ERC2: variants seen among roughly 807,000 people sequenced by gnomAD.
ERC2 encodes the protein ERC protein 2.
A neutral mutation model predicts 114.8 loss-of-function variants in ERC2; 42 were observed. That is an observed-to-expected ratio of 0.37 (90% CI 0.29 to 0.47). The LOEUF (loss-of-function observed/expected upper bound fraction) is 0.47. Among genes scored for constraint, ERC2 ranks in the 20% least tolerant of loss-of-function variants. The pLI is 0.99. For missense variants in ERC2, 939 were observed against 1,150.7 expected (o/e 0.82, Z 2.66); for synonymous variants, 454 against 425.5 (o/e 1.07, Z -0.82).
In ERC2 at chr3:55,888,621, G is replaced by A. The variant is rs1452122913; in HGVS notation, c.2404-72C>T. On this transcript the variant is annotated intron_variant, in intron 13 of 17. Transcript: ENST00000288221. The stretch of plus-strand genomic sequence containing the variant: ...CACAAGACATCCCTTGTTAGCCTGT[G>A]TTCCAACAACAAACACAAAGGAATC... The A allele has an allele frequency of 5.1e-6, 8 of 1,563,170 alleles. No individual in the cohort carries two copies. The East Asian group carries it at 1.4e-4, about 26-fold the overall frequency.
chr3:55,838,882 T>G (rs1424617073), intron 14 of ERC2, among the ~76,000 whole-genome samples: 2 of 151,528 alleles, frequency 1.3e-5, no homozygotes, highest in Non-Finnish European at 3.0e-5. Context: ...AAAAGCTCAC[T>G]CAAAAAGAAA....
intron 2 of ERC2, among the ~76,000 whole-genome samples, chr3:56,390,769 G>A (rs748489599): frequency 4.6e-5 from 7 of 152,116 alleles, no homozygotes; most frequent in Admixed American, 6.6e-5. Context: ...GCCTAATGAA[G>A]GGGTTGGATT....
At chr3:56,162,109 ATCAAAAGCTTTTTCCAC>A (rs1447186122) in intron 4 of ERC2, among the ~76,000 whole-genome samples, 3 of 152,272 alleles carry the variant, frequency 2.0e-5, no homozygotes, top group Admixed American at 2.0e-4. Context: ...GTTGGATTTT[ATCAAAAGCTTTTTCCAC>A]ATCTATTGAG....
chr3:56,373,931 C>T (rs1341582558), intron 2 of ERC2, among the ~76,000 whole-genome samples: 1 of 152,060 alleles, frequency 6.6e-6, no homozygotes, highest in Non-Finnish European at 1.5e-5. Flanking sequence ...TGCTCGTGGG[C>T]TATACAAAAA....
At chr3:55,822,909 A>G (rs1296568970) in intron 14 of ERC2, among the ~76,000 whole-genome samples, 1 of 152,118 alleles carries the variant, frequency 6.6e-6, no homozygotes, top group Non-Finnish European at 1.5e-5. Flanking sequence ...CGCCGCACCG[A>G]GCCCCAAGAA....
At chr3:56,427,612 C>T (rs2061621546) in intron 2 of ERC2, among the ~76,000 whole-genome samples, 1 of 152,072 alleles carries the variant, frequency 6.6e-6, no homozygotes, top group Non-Finnish European at 1.5e-5. Context: ...GACTCTAATC[C>T]AATATGATTG....
At chr3:55,828,467 G>GGCAGCAGGCGCAGCAGGGGCAGCAGGC (rs1178911238) in intron 14 of ERC2, among the ~76,000 whole-genome samples, 1 of 148,580 alleles carries the variant, frequency 6.7e-6, no homozygotes, top group African/African-American at 2.6e-5. Flanking sequence ...TGGCAGCAGG[G>GGCAGCAGGCGCAGCAGGGGCAGCAGGC]GCAGCAGGGG....
chr3:55,970,709 A>C (rs2069093648), intron 12 of ERC2, among the ~76,000 whole-genome samples: 1 of 152,196 alleles, frequency 6.6e-6, no homozygotes, highest in Non-Finnish European at 1.5e-5. Flanking sequence ...GTGAGAATGC[A>C]GAGAATTTAG....
chr3:55,679,449 C>T (rs911082832), intron 17 of ERC2, among the ~76,000 whole-genome samples: 2 of 152,164 alleles, frequency 1.3e-5, no homozygotes, highest in African/African-American at 2.4e-5. Flanking sequence ...AAAGCCATGA[C>T]CAAAACGTGC....
intron 10 of ERC2, among the ~76,000 whole-genome samples, chr3:56,006,350 C>T (rs1365833525): frequency 3.9e-5 from 6 of 151,966 alleles, no homozygotes; most frequent in South Asian, 2.1e-4. Context: ...ATCCCCATCC[C>T]GGTGTGTGCT....
intron 1 of ERC2, among the ~76,000 whole-genome samples, chr3:56,449,752 G>A (rs1196336404): frequency 1.3e-5 from 2 of 152,186 alleles, no homozygotes; most frequent in Non-Finnish European, 2.9e-5. Flanking sequence ...AAGATTAAAT[G>A]AGATGATATA....
At chr3:55,980,267 C>G (rs1351661257) in intron 12 of ERC2, among the ~76,000 whole-genome samples, 2 of 150,798 alleles carry the variant, frequency 1.3e-5, no homozygotes, top group Non-Finnish European at 2.9e-5. Context: ...TTAAAATCAT[C>G]AAAATCCTCC....
intron 17 of ERC2, among the ~76,000 whole-genome samples, chr3:55,673,816 T>G (rs888271492): frequency 1.3e-5 from 2 of 150,784 alleles, no homozygotes; most frequent in African/African-American, 2.4e-5. Context: ...TTTTTTTTTT[T>G]TTTTTTTTTT....
At chr3:55,961,822 T>C (rs2068395098) in intron 12 of ERC2, among the ~76,000 whole-genome samples, 1 of 146,062 alleles carries the variant, frequency 6.8e-6, no homozygotes, top group Admixed American at 7.0e-5. Context: ...AAAATGATTG[T>C]CAGTTCCTCA....
chr3:56,004,424 G>A (rs146708029), intron 10 of ERC2, among the ~76,000 whole-genome samples: 1 of 152,054 alleles, frequency 6.6e-6, no homozygotes, highest in African/African-American at 2.4e-5. Context: ...ATAAGTAGTG[G>A]GATGGAATGT....
intron 1 of ERC2, among the ~76,000 whole-genome samples, chr3:56,452,073 T>C (rs1201831818): frequency 2.0e-5 from 3 of 152,180 alleles, no homozygotes; most frequent in African/African-American, 7.2e-5. Flanking sequence ...TCTGCAAATC[T>C]CATGAGAATT....
chr3:55,933,505 C>T (rs895870436), intron 13 of ERC2, among the ~76,000 whole-genome samples: 1 of 152,240 alleles, frequency 6.6e-6, no homozygotes, highest in Non-Finnish European at 1.5e-5. Context: ...AAATTTATTT[C>T]ATGGCTAAAA....
At chr3:56,310,545 G>C (rs1171331696) in intron 2 of ERC2, among the ~76,000 whole-genome samples, 1 of 152,128 alleles carries the variant, frequency 6.6e-6, no homozygotes, top group Non-Finnish European at 1.5e-5. Context: ...GGCAGGCATT[G>C]AACTATATTA....
chr3:55,776,970 C>T (rs138510920), intron 14 of ERC2, among the ~76,000 whole-genome samples: 1 of 152,146 alleles, frequency 6.6e-6, no homozygotes, highest in African/African-American at 2.4e-5. Flanking sequence ...TTCCTCAACC[C>T]CAATCTTTTC....
Sources: gnomAD v4.1 joint callset for allele counts (sites outside exome capture counted in the v4.1 genomes callset) on GRCh38, gnomAD v4.1.1 for gene constraint, MANE v1.5 for transcripts, NCBI Gene and HGNC (gene_info 2026-07-23, HGNC 2026-07-21) for gene names.